JAKMIP1: variants seen among roughly 807,000 people sequenced by gnomAD.
JAKMIP1 encodes the protein janus kinase and microtubule interacting protein 1.
A neutral mutation model predicts 113.0 loss-of-function variants in JAKMIP1; 33 were observed. The ratio of observed to expected loss-of-function variants is 0.29; its 90% CI spans 0.22 to 0.39. The LOEUF is 0.39. Among genes scored for constraint, JAKMIP1 ranks in the 10% least tolerant of loss-of-function variants. The pLI, the probability that JAKMIP1 is intolerant of heterozygous loss-of-function variation, is 1.00. For missense variants in JAKMIP1, 813 were observed against 1,080.5 expected (o/e 0.75, Z 3.47); for synonymous variants, 480 against 459.9 (o/e 1.04, Z -0.56).
rs761005401 is a variant in JAKMIP1 at position 6,129,313 on chromosome 4, C to T, written c.-147-16316G>A. Among the ~76,000 whole-genome samples, 10 of 152,210 alleles carry T rather than the reference C, an allele frequency of 6.6e-5. No homozygotes were observed. Among genetic ancestry groups the T allele is most frequent in the Non-Finnish European group, 1.2e-4 (8 of 68,034 alleles). On this transcript the variant is annotated intron_variant, in intron 1 of 20. Transcript: ENST00000409021. This position sits in a 1 kb window ranked among gnomAD's most constrained non-coding sequence, Gnocchi z 5.4. ...TGGTCAGATGCTGGGCGTGGCCCCA[C>T]CCCATGCCAGCCAGGAACCATTGAT...
Position 6,197,023 on chromosome 4 carries a change from G to A in JAKMIP1, c.-148+3230C>T, listed in dbSNP as rs971048780. On this transcript the variant is annotated intron_variant, in intron 1 of 20. Coordinates refer to ENST00000409021, the MANE Select transcript of JAKMIP1 (RefSeq NM_001099433.2). The surrounding 1 kb of genome is among the most constrained non-coding windows in gnomAD (Gnocchi z 6.5). Reference sequence around the variant, plus strand: ...ACTTCTGAGTCCCCCAGTGTCCTGAGACTTGGCTCCCTCTGCGGTGTTCAC... The same window carrying A: ...ACTTCTGAGTCCCCCAGTGTCCTGAAACTTGGCTCCCTCTGCGGTGTTCAC... Among the ~76,000 whole-genome samples, 2 of 152,212 alleles carry A rather than the reference G, an allele frequency of 1.3e-5. No homozygotes were observed. Among genetic ancestry groups the A allele is most frequent in the Admixed American group, 1.3e-4 (2 of 15,282 alleles).
chr4:6,056,691 A>C lies in JAKMIP1; in HGVS notation c.1707+6T>G. On this transcript the variant is annotated splice_donor_region_variant and intron_variant, in intron 12 of 20. Transcript: ENST00000409021. The stretch of plus-strand genomic sequence containing the variant: ...CTGTGTGCTTCCCTGAGGTGGGGTC[A>C]CGCACCTTTTCCAGCAAGTCTTGGT... 1 of 1,611,796 alleles carries C rather than the reference A, an allele frequency of 6.2e-7. No homozygotes were observed. Among genetic ancestry groups the C allele is most frequent in the Non-Finnish European group, 8.5e-7 (1 of 1,178,152 alleles).
chr4:6,055,010 CTGTCCCAAATGCCCT>C (rs61061364), intron 12 of JAKMIP1, among the ~76,000 whole-genome samples: 29,815 of 150,506 alleles, frequency 0.2, 4,346 homozygotes, highest in African/African-American at 0.42. Context: ...GGGTTGCTCG[CTGTCCCAAATGCCCT>C]TGTCCCAAAT....
Position 6,081,537 on chromosome 4 carries a change from G to A in JAKMIP1, c.1101+72C>T, listed in dbSNP as rs539920118. On this transcript the variant is annotated intron_variant, in intron 6 of 20. Transcript: ENST00000409021. The surrounding 1 kb of genome is among the most constrained non-coding windows in gnomAD (Gnocchi z 4.6). The stretch of plus-strand genomic sequence containing the variant: ...GTGCGCCCCAGAACATGTGAATCGG[G>A]AGGTTCAGGGCTGAAGAATCCCAGA... 6.4e-7 allele frequency: 1 copy of A among 1,558,562 alleles called. No individual in the cohort carries two copies. The highest frequency in any genetic ancestry group is 1.4e-5 in the African/African-American group (1 of 73,788).
chr4:6,037,684 G>A (rs1396176879), intron 18 of JAKMIP1, among the ~76,000 whole-genome samples: 7 of 120,106 alleles, frequency 5.8e-5, no homozygotes, highest in Non-Finnish European at 6.9e-5. Context: ...GAGGCTAACC[G>A]GTAGCCCTCC....
At position 6,192,587 on chromosome 4, in the gene JAKMIP1, C is replaced by T. The variant is rs765685281; in HGVS notation, c.-148+7666G>A. 5.3e-5 allele frequency among the ~76,000 whole-genome samples: 8 copies of T among 152,130 alleles called. No homozygotes were observed. The highest frequency in any genetic ancestry group is 1.4e-4 in the African/African-American group (6 of 41,438). ...AGTGAAGCTCAGAAAGATGAAGGAACGAGCACTCGATCACAGAGCTAGCAG... is the reference window on the plus strand; with the variant it reads ...AGTGAAGCTCAGAAAGATGAAGGAATGAGCACTCGATCACAGAGCTAGCAG... On this transcript the variant is annotated intron_variant, in intron 1 of 20. Coordinates refer to ENST00000409021, the MANE Select transcript of JAKMIP1 (RefSeq NM_001099433.2). The surrounding 1 kb of genome is among the most constrained non-coding windows in gnomAD (Gnocchi z 5.0).
chr4:6,125,616 C>CA (rs1717329779), intron 1 of JAKMIP1, among the ~76,000 whole-genome samples: 1 of 129,300 alleles, frequency 7.7e-6, no homozygotes, highest in African/African-American at 3.0e-5. Flanking sequence ...CACACACACA[C>CA]CATACAGAAA....
intron 3 of JAKMIP1, among the ~76,000 whole-genome samples, chr4:6,098,536 GAGAGAA>G (rs1712240384): frequency 6.3e-5 from 3 of 47,578 alleles, no homozygotes; most frequent in African/African-American, 1.2e-4. Flanking sequence ...GAGAGAGAGA[GAGAGAA>G]AGAAAAAGAA....
rs776448892 is a variant in JAKMIP1 at position 6,155,877 on chromosome 4, TG to T, written c.-147-42881del. The stretch of plus-strand genomic sequence containing the variant: ...CCTCATGAATGGCACTCTCTAGAGG[TG>T]GGGCCTGGCAATCTTAAGTTTGCAC... On this transcript the variant is annotated intron_variant, in intron 1 of 20. Coordinates refer to ENST00000409021, the MANE Select transcript of JAKMIP1 (RefSeq NM_001099433.2). The surrounding 1 kb of genome is among the most constrained non-coding windows in gnomAD (Gnocchi z 6.1). Among the ~76,000 whole-genome samples, 2 of 152,130 alleles carry T rather than the reference TG, an allele frequency of 1.3e-5. No individual in the cohort carries two copies. Among genetic ancestry groups the T allele is most frequent in the Non-Finnish European group, 2.9e-5 (2 of 68,028 alleles).
intron 19 of JAKMIP1, among the ~76,000 whole-genome samples, chr4:6,034,056 T>A (rs950818986): frequency 5.0e-5 from 7 of 139,204 alleles, no homozygotes; most frequent in Admixed American, 2.7e-4. Flanking sequence ...GAAGACTTAA[T>A]CAGGTAGCCA....
At chr4:6,074,831 A>G (rs1182842798) in intron 8 of JAKMIP1, among the ~76,000 whole-genome samples, 2 of 152,238 alleles carry the variant, frequency 1.3e-5, no homozygotes, top group Non-Finnish European at 2.9e-5. Context: ...ATACACAAAT[A>G]CCATTGGATT....
At chr4:6,092,524 C>T (rs1722234653) in intron 3 of JAKMIP1, among the ~76,000 whole-genome samples, 2 of 152,182 alleles carry the variant, frequency 1.3e-5, no homozygotes, top group South Asian at 2.1e-4. Context: ...ATTGAGAGAA[C>T]ATTGTTGGTT....
At chr4:6,119,253 C>G (rs548487084) in intron 1 of JAKMIP1, among the ~76,000 whole-genome samples, 4 of 152,254 alleles carry the variant, frequency 2.6e-5, no homozygotes, top group Non-Finnish European at 5.9e-5. Context: ...AGGGAAAAAC[C>G]ACTCCTGGGG....
At chr4:6,085,120 C>G (rs536974958) in intron 4 of JAKMIP1, among the ~76,000 whole-genome samples, 155 bp from the exon 5 acceptor site, 1 of 152,188 alleles carries the variant, frequency 6.6e-6, no homozygotes, top group East Asian at 1.9e-4. Flanking sequence ...ACACCCAAGC[C>G]CACTGCACAC....
In JAKMIP1 at chr4:6,180,245, T is replaced by G. The variant is rs768218537; in HGVS notation, c.-148+20008A>C. The stretch of plus-strand genomic sequence containing the variant: ...ACCCACAAACAGAAATAATTTCTGA[T>G]AAAATTGCTACTCGTAACATTCAGA... On this transcript the variant is annotated intron_variant, in intron 1 of 20. Coordinates refer to ENST00000409021, the MANE Select transcript of JAKMIP1 (RefSeq NM_001099433.2). This position sits in a 1 kb window ranked among gnomAD's most constrained non-coding sequence, Gnocchi z 4.5. Among the ~76,000 whole-genome samples, 2 of 152,184 alleles carry G rather than the reference T, an allele frequency of 1.3e-5. No homozygotes were observed. The highest frequency in any genetic ancestry group is 2.9e-5 in the Non-Finnish European group (2 of 68,032).
intron 8 of JAKMIP1, among the ~76,000 whole-genome samples, chr4:6,078,378 T>A (rs1297591894): frequency 3.3e-5 from 5 of 149,282 alleles, no homozygotes; most frequent in African/African-American, 9.8e-5. Flanking sequence ...AAAAATAGGT[T>A]TACAGGTTTA....
intron 17 of JAKMIP1, among the ~76,000 whole-genome samples, chr4:6,041,865 T>C (rs528515795): frequency 6.6e-6 from 1 of 152,282 alleles, no homozygotes; most frequent in Admixed American, 6.5e-5. Flanking sequence ...ACCCTGCAGG[T>C]CTGTGAGCTT....
intron 18 of JAKMIP1, 88 bp from the exon 19 acceptor site, chr4:6,036,195 C>T: frequency 9.1e-7 from 1 of 1,097,922 alleles, no homozygotes; most frequent in Non-Finnish European, 1.3e-6. Context: ...GAGGCAGAGC[C>T]AGGGAGGGGG....
intron 3 of JAKMIP1, among the ~76,000 whole-genome samples, chr4:6,101,258 G>A (rs1462966512): frequency 6.6e-6 from 1 of 151,858 alleles, no homozygotes. Context: ...TATATACAGA[G>A]AGTGTGTGTG....
Sources: allele counts gnomAD v4.1 joint callset (sites outside exome capture counted in the v4.1 genomes callset), GRCh38; gene constraint gnomAD v4.1.1; non-coding constraint Gnocchi (gnomAD v3.1); transcripts MANE v1.5; gene names NCBI Gene and HGNC (gene_info 2026-07-23, HGNC 2026-07-21).